The following BLTP3B variants were observed in gnomAD, a reference collection of about 807,000 sequenced individuals.
BLTP3B encodes the protein UHRF1 (ICBP90) binding protein 1-like.
At chr12:100,042,298 T>C in the BLTP3B span, among the ~76,000 whole-genome samples, 1 of 152,042 alleles carries the variant, frequency 6.6e-6, no homozygotes, top group Non-Finnish European at 1.5e-5. Context: ...CATATGGAAT[T>C]GCAAGGGACC....
the BLTP3B span, among the ~76,000 whole-genome samples, chr12:100,117,297 G>A: frequency 6.6e-6 from 1 of 152,082 alleles, no homozygotes; most frequent in Non-Finnish European, 1.5e-5. Flanking sequence ...GGTTATCAAC[G>A]TCAACATCGG....
the BLTP3B span, among the ~76,000 whole-genome samples, chr12:100,106,714 C>T: frequency 6.6e-6 from 1 of 151,994 alleles, no homozygotes; most frequent in South Asian, 2.1e-4. Flanking sequence ...ACAATTCACT[C>T]ATGTAAACAA....
the BLTP3B span, chr12:100,039,697 G>T: frequency 6.2e-7 from 1 of 1,614,026 alleles, no homozygotes; most frequent in South Asian, 1.1e-5. Flanking sequence ...ACACTGCGTT[G>T]TTTCTTCAGA....
the BLTP3B span, among the ~76,000 whole-genome samples, chr12:100,037,919 T>C: frequency 1.3e-5 from 2 of 152,164 alleles, no homozygotes; most frequent in East Asian, 1.9e-4. Context: ...TTTGGAAACA[T>C]GTATCAAGCA....
At chr12:100,142,214 A>G in the BLTP3B span, among the ~76,000 whole-genome samples, 1 of 152,222 alleles carries the variant, frequency 6.6e-6, no homozygotes, top group Non-Finnish European at 1.5e-5. Flanking sequence ...AACTCGAGTT[A>G]GAGCCCAGCA....
chr12:100,043,407 C>T, the BLTP3B span, among the ~76,000 whole-genome samples: 1 of 152,196 alleles, frequency 6.6e-6, no homozygotes, highest in Non-Finnish European at 1.5e-5. Context: ...GAGTTTATCT[C>T]TGAACTCTCA....
the BLTP3B span, among the ~76,000 whole-genome samples, chr12:100,141,448 C>G: frequency 1.6e-5 from 1 of 62,356 alleles, no homozygotes. Context: ...TATATATGTA[C>G]ACACACACAC....
chr12:100,130,943 TACATAC>T, the BLTP3B span, among the ~76,000 whole-genome samples: 6 of 114,288 alleles, frequency 5.2e-5, no homozygotes, highest in African/African-American at 1.2e-4. Flanking sequence ...CATACATACA[TACATAC>T]ATATATATAT....
the BLTP3B span, among the ~76,000 whole-genome samples, chr12:100,042,151 G>C: frequency 1.3e-5 from 2 of 152,268 alleles, no homozygotes; most frequent in African/African-American, 4.8e-5. Flanking sequence ...TCATGGATTG[G>C]AAGATTTAAT....
the BLTP3B span, among the ~76,000 whole-genome samples, chr12:100,095,243 G>A: frequency 6.6e-6 from 1 of 152,262 alleles, no homozygotes; most frequent in South Asian, 2.1e-4. Context: ...CCAGCCATCA[G>A]ACAACTCCAA....
At chr12:100,107,164 T>G in the BLTP3B span, among the ~76,000 whole-genome samples, 2 of 151,094 alleles carry the variant, frequency 1.3e-5, no homozygotes, top group Non-Finnish European at 2.9e-5. Flanking sequence ...GGCATGCGCC[T>G]ATAATTCCAG....
At chr12:100,073,401 T>C in the BLTP3B span, among the ~76,000 whole-genome samples, 15 of 149,876 alleles carry the variant, frequency 1.0e-4, no homozygotes, top group South Asian at 2.1e-4. Context: ...GGTTTCGCCA[T>C]GTTGGCCAGG....
chr12:100,123,650 C>G, the BLTP3B span, among the ~76,000 whole-genome samples: 21 of 152,166 alleles, frequency 1.4e-4, no homozygotes, highest in Non-Finnish European at 2.9e-4. Context: ...GACGGACAGG[C>G]TCTTTGAGTT....
chr12:100,104,056 T>G, the BLTP3B span: 1 of 709,138 alleles, frequency 1.4e-6, no homozygotes, highest in Non-Finnish European at 2.2e-6. Context: ...CACACCAAAT[T>G]ATATAAAATC....
chr12:100,038,211 C>T, the BLTP3B span, among the ~76,000 whole-genome samples: 3 of 152,130 alleles, frequency 2.0e-5, no homozygotes, highest in East Asian at 1.9e-4. Context: ...ATTGCTCGGT[C>T]GTCTTCTCTT....
the BLTP3B span, among the ~76,000 whole-genome samples, chr12:100,064,711 T>TA: frequency 1.3e-5 from 2 of 152,020 alleles, no homozygotes; most frequent in Admixed American, 1.3e-4. Context: ...CAAGTAAAGA[T>TA]ACAGTGTTTT....
the BLTP3B span, among the ~76,000 whole-genome samples, chr12:100,126,364 G>A: frequency 1.3e-5 from 2 of 152,064 alleles, no homozygotes; most frequent in Admixed American, 6.6e-5. Context: ...TGTTTTCCAA[G>A]CCAACGAATA....
At chr12:100,058,384 C>A in the BLTP3B span, 4 of 1,612,190 alleles carry the variant, frequency 2.5e-6, no homozygotes, top group East Asian at 2.2e-5. Flanking sequence ...GATAAATAGT[C>A]CATAAAAGAA....
the BLTP3B span, chr12:100,039,694 G>T: frequency 6.2e-7 from 1 of 1,614,036 alleles, no homozygotes; most frequent in Non-Finnish European, 8.5e-7. Context: ...GTGACACTGC[G>T]TTGTTTCTTC....
Sources: allele counts gnomAD v4.1 joint callset (sites outside exome capture counted in the v4.1 genomes callset), GRCh38; gene constraint gnomAD v4.1.1; transcripts MANE v1.5; gene names NCBI Gene and HGNC (gene_info 2026-07-23, HGNC 2026-07-21).